Variants in L3MBTL4 observed in about 807,000 individuals in gnomAD.
L3MBTL4 encodes the protein lethal(3)malignant brain tumor-like protein 4.
L3MBTL4 carries 70 observed loss-of-function variants against 84.5 expected under a neutral mutation model. The ratio of observed to expected loss-of-function variants is 0.83; its 90% CI spans 0.68 to 1.01. The LOEUF is 1.01. Ranked by LOEUF, L3MBTL4 falls within the 50% of genes least tolerant of loss-of-function variation. The pLI, the probability that L3MBTL4 is intolerant of heterozygous loss-of-function variation, is 0.00. For synonymous variants in L3MBTL4, 274 were observed against 259.8 expected, an observed-to-expected ratio of 1.05 and a Z score of -0.52; for missense variants, 715 against 754.8, an observed-to-expected ratio of 0.95 and a Z score of 0.62.
intron 1 of L3MBTL4, among the ~76,000 whole-genome samples, chr18:6,372,063 C>T (rs555664262): frequency 1.9e-4 from 29 of 152,196 alleles, no homozygotes; most frequent in Non-Finnish European, 3.7e-4. Flanking sequence ...CTGACCACCC[C>T]TCCACCCAGG....
chr18:6,030,033 T>C (rs2055710036), intron 16 of L3MBTL4: 3 of 985,342 alleles, frequency 3.0e-6, no homozygotes, highest in Non-Finnish European at 3.6e-6. Context: ...TCACTTATAG[T>C]GTGCCGCTCC....
chr18:6,263,040 C>T (rs868486112), intron 5 of L3MBTL4, among the ~76,000 whole-genome samples: 4 of 152,158 alleles, frequency 2.6e-5, no homozygotes, highest in East Asian at 1.9e-4. Flanking sequence ...TTTGGGAGGC[C>T]GAGGCAGGCG....
intron 16 of L3MBTL4, among the ~76,000 whole-genome samples, chr18:6,004,083 C>T (rs773689061): frequency 2.0e-5 from 3 of 151,678 alleles, no homozygotes; most frequent in Non-Finnish European, 4.4e-5. Flanking sequence ...ATTAATGAAA[C>T]CAAGAGTTGA....
chr18:6,044,991 A>T (rs2056551960), intron 16 of L3MBTL4, among the ~76,000 whole-genome samples: 1 of 152,248 alleles, frequency 6.6e-6, no homozygotes, highest in South Asian at 2.1e-4. Flanking sequence ...GTTCTAGCTG[A>T]CAACCACCAC....
chr18:6,164,398 A>AC (rs2043532804), intron 13 of L3MBTL4, among the ~76,000 whole-genome samples: 1 of 152,052 alleles, frequency 6.6e-6, no homozygotes, highest in Non-Finnish European at 1.5e-5. Context: ...TGGGTCCCTG[A>AC]CCCCCGAGTA....
chr18:6,304,246 G>A (rs1221252251), intron 3 of L3MBTL4, among the ~76,000 whole-genome samples: 1 of 152,134 alleles, frequency 6.6e-6, no homozygotes, highest in Non-Finnish European at 1.5e-5. Context: ...ATGTATCAGT[G>A]TCTTAATTGT....
intron 16 of L3MBTL4, among the ~76,000 whole-genome samples, chr18:6,003,156 A>T (rs1214818250): frequency 9.4e-6 from 1 of 105,914 alleles, no homozygotes; most frequent in Admixed American, 1.2e-4. Flanking sequence ...ATACTATATA[A>T]AATATAGTAT....
intron 14 of L3MBTL4, among the ~76,000 whole-genome samples, chr18:6,121,827 T>C (rs559278874): frequency 6.6e-6 from 1 of 152,222 alleles, no homozygotes; most frequent in Admixed American, 6.5e-5. Flanking sequence ...GAGAAAACTG[T>C]TCTTAACAGT....
At chr18:6,168,744 T>A (rs1343899374) in intron 13 of L3MBTL4, among the ~76,000 whole-genome samples, 1 of 152,138 alleles carries the variant, frequency 6.6e-6, no homozygotes, top group Non-Finnish European at 1.5e-5. Context: ...ACCTAGGCAT[T>A]ACCATTCAGG....
chr18:6,326,816 T>A (rs1245097027), intron 1 of L3MBTL4: 1 of 152,202 alleles, frequency 6.6e-6, no homozygotes, highest in Non-Finnish European at 1.5e-5. Context: ...TTATTGGGCA[T>A]TCCAAGGGCG....
intron 12 of L3MBTL4, among the ~76,000 whole-genome samples, chr18:6,177,248 A>G (rs918520308): frequency 2.0e-5 from 3 of 152,262 alleles, no homozygotes; most frequent in African/African-American, 7.2e-5. Context: ...TCATTCACAA[A>G]CAAGTGTGCA....
intron 16 of L3MBTL4, among the ~76,000 whole-genome samples, chr18:5,991,519 A>G (rs1201182236): frequency 6.6e-6 from 1 of 152,176 alleles, no homozygotes; most frequent in African/African-American, 2.4e-5. Context: ...TCTTTTGTCT[A>G]CACTAAAGCT....
chr18:6,299,229 T>G (rs2050229996), intron 4 of L3MBTL4, among the ~76,000 whole-genome samples: 1 of 152,162 alleles, frequency 6.6e-6, no homozygotes, highest in Non-Finnish European at 1.5e-5. Context: ...AAACTCAATC[T>G]CAGCATGACT....
At chr18:6,037,923 C>T (rs1263819220) in intron 16 of L3MBTL4, among the ~76,000 whole-genome samples, 1 of 152,122 alleles carries the variant, frequency 6.6e-6, no homozygotes, top group Non-Finnish European at 1.5e-5. Context: ...GAGGAGTAGG[C>T]TCCTGATGAG....
chr18:6,302,125 C>T (rs953426643), intron 3 of L3MBTL4, among the ~76,000 whole-genome samples, 168 bp from the exon 4 acceptor site: 40 of 152,128 alleles, frequency 2.6e-4, no homozygotes, highest in Admixed American at 2.6e-3. Context: ...GAGGGGTACA[C>T]ATGATCCATT....
intron 4 of L3MBTL4, 104 bp from the exon 5 acceptor site, chr18:6,264,142 G>T: frequency 1.2e-6 from 1 of 831,450 alleles, no homozygotes; most frequent in South Asian, 1.5e-5. Context: ...TAGTTAAATT[G>T]GTAGTTGAAA....
chr18:6,311,131 TCACCCTCTCTCTC>T (rs1353696669), intron 3 of L3MBTL4, among the ~76,000 whole-genome samples: 7 of 152,016 alleles, frequency 4.6e-5, no homozygotes, highest in African/African-American at 1.7e-4. Context: ...TCTCTCTCTC[TCACCCTCTCTCTC>T]GCTTGCTAGC....
chr18:6,236,349 T>G (rs2047215166), intron 10 of L3MBTL4, among the ~76,000 whole-genome samples: 1 of 152,232 alleles, frequency 6.6e-6, no homozygotes, highest in African/African-American at 2.4e-5. Context: ...GTAACAAATC[T>G]TTATGACCTT....
chr18:6,210,597 G>C (rs954659238), intron 12 of L3MBTL4, among the ~76,000 whole-genome samples: 1 of 152,174 alleles, frequency 6.6e-6, no homozygotes, highest in African/African-American at 2.4e-5. Flanking sequence ...CATGGTTGCA[G>C]GAAGATATGT....
Sources: allele counts gnomAD v4.1 joint callset (sites outside exome capture counted in the v4.1 genomes callset), GRCh38; gene constraint gnomAD v4.1.1; transcripts MANE v1.5; gene names NCBI Gene and HGNC (gene_info 2026-07-23, HGNC 2026-07-21).